C3orf33: variants seen among roughly 807,000 people sequenced by gnomAD.
C3orf33 encodes AP-1 activity suppressor.
Under a neutral mutation model 28.7 loss-of-function variants are expected in C3orf33, and 23 were observed. That is an observed-to-expected ratio of 0.80 (90% confidence interval 0.58 to 1.13). C3orf33 has a LOEUF of 1.13. Ranked by LOEUF, C3orf33 falls within the 50% of genes most tolerant of loss-of-function variation. The pLI is 0.00. For missense variants in C3orf33, 327 were observed against 353.4 expected, an observed-to-expected ratio of 0.93 and a Z score of 0.60; for synonymous variants, 119 against 120.5, an observed-to-expected ratio of 0.99 and a Z score of 0.08.
chr3:155,767,686 G>A lies in C3orf33; in HGVS notation c.323-17C>T. On this transcript the variant is annotated splice_polypyrimidine_tract_variant and intron_variant, in intron 3 of 4. Coordinates refer to ENST00000340171, the MANE Select transcript of C3orf33 (RefSeq NM_001308229.2). ...GTGGCTCTTCTAAAAAGGTTAGGTAGAAAAGAGTTTAGCTTTAACAGCATG... is the reference window on the plus strand; with the variant it reads ...GTGGCTCTTCTAAAAAGGTTAGGTAAAAAAGAGTTTAGCTTTAACAGCATG... The A allele has an allele frequency of 1.6e-5, 24 of 1,480,372 alleles. No homozygotes were observed. Among genetic ancestry groups the A allele is most frequent in the Non-Finnish European group, 2.2e-5 (24 of 1,103,252 alleles). 91.7% of individuals were successfully genotyped at this position (1,480,372 alleles called of 1,614,324 possible). A position where few individuals can be genotyped will look rare whatever the true frequency, so the allele number is the denominator to read the frequency against.
intron 3 of C3orf33, among the ~76,000 whole-genome samples, chr3:155,774,416 C>T (rs956659233): frequency 6.6e-6 from 1 of 152,072 alleles, no homozygotes; most frequent in African/African-American, 2.4e-5. Context: ...TGATGTTCAA[C>T]AGAGGCCAAG....
chr3:155,768,543 G>T (rs1750482638), intron 3 of C3orf33, among the ~76,000 whole-genome samples: 2 of 152,048 alleles, frequency 1.3e-5, no homozygotes, highest in African/African-American at 4.8e-5. Context: ...TTAATAACAA[G>T]ATTTTACTTT....
At chr3:155,765,485 G>T (rs74420486) in intron 4 of C3orf33, among the ~76,000 whole-genome samples, 2 of 151,736 alleles carry the variant, frequency 1.3e-5, no homozygotes, top group Non-Finnish European at 2.9e-5. Context: ...TAATATTTTT[G>T]TAAGGCCTTT....
intron 2 of C3orf33, among the ~76,000 whole-genome samples, chr3:155,782,338 GA>G (rs55878451): frequency 0.34 from 49,865 of 147,680 alleles, 9,579 homozygotes; most frequent in Non-Finnish European, 0.43. Flanking sequence ...GAAACTATTT[GA>G]AAAAAAAAAC....
intron 2 of C3orf33, among the ~76,000 whole-genome samples, chr3:155,795,683 C>T (rs1007122050): frequency 3.3e-5 from 5 of 151,938 alleles, no homozygotes; most frequent in African/African-American, 7.3e-5. Context: ...AGGCTGGGAG[C>T]GGTGGCTTAC....
intron 2 of C3orf33, 78 bp downstream of exon 2, chr3:155,802,454 G>T: frequency 1.9e-6 from 2 of 1,046,860 alleles, no homozygotes; most frequent in Non-Finnish European, 3.0e-6. Flanking sequence ...ATGATACACT[G>T]TTTGAGATAA....
intron 3 of C3orf33, among the ~76,000 whole-genome samples, chr3:155,774,692 C>G (rs1750689014): frequency 8.8e-6 from 1 of 114,000 alleles, no homozygotes; most frequent in Non-Finnish European, 1.7e-5. Context: ...TTTTTTAGCT[C>G]ATCAGCTATC....
chr3:155,804,700 A>T (rs1204390660), intron 1 of C3orf33, among the ~76,000 whole-genome samples: 1 of 152,072 alleles, frequency 6.6e-6, no homozygotes, highest in Non-Finnish European at 1.5e-5. Context: ...CAGATTCTCA[A>T]TGTTATAATC....
intron 2 of C3orf33, among the ~76,000 whole-genome samples, chr3:155,781,085 C>T (rs1015651187): frequency 6.6e-6 from 1 of 150,584 alleles, no homozygotes; most frequent in Non-Finnish European, 1.5e-5. Context: ...GCAAGCTCCG[C>T]TTCCCGGGTT....
chr3:155,794,699 T>C (rs2109276785), intron 2 of C3orf33, among the ~76,000 whole-genome samples: 1 of 152,150 alleles, frequency 6.6e-6, no homozygotes, highest in African/African-American at 2.4e-5. Context: ...AGATACTCCA[T>C]GCAAACAGAA....
chr3:155,763,507 C>A lies in C3orf33; in HGVS notation c.*10G>T. The A allele has an allele frequency of 6.8e-7, 1 of 1,467,674 alleles. No individual in the cohort carries two copies. Among genetic ancestry groups the A allele is most frequent in the South Asian group, 1.6e-5 (1 of 62,644 alleles). 90.9% of individuals were successfully genotyped at this position (1,467,674 alleles called of 1,614,324 possible). ...TTTGGAGAAGGTTACCTCTAGATTT[C>A]TTGACCGTTTCACCCTTTTCTACGA... On this transcript the variant is annotated 3_prime_UTR_variant, in exon 5 of 5. Transcript: ENST00000340171.
chr3:155,779,303 C>CT lies in C3orf33; in HGVS notation c.175-3456dup, dbSNP rs201516576. Reference sequence around the variant, plus strand: ...ATTGCACTACTCTGGGATCTTTTTTCTTTTTTTTTGAGACAGAGTCTCGCT... The same window carrying CT: ...ATTGCACTACTCTGGGATCTTTTTTCTTTTTTTTTTGAGACAGAGTCTCGCT... On this transcript the variant is annotated intron_variant, in intron 2 of 4. Transcript: ENST00000340171. Among the ~76,000 whole-genome samples, 78 of 151,222 alleles carry CT rather than the reference C, an allele frequency of 5.2e-4. 1 individual carries two copies. In the South Asian group the frequency reaches 5.8e-3, roughly 11 times the overall value.
At chr3:155,797,193 G>T (rs1371988107) in intron 2 of C3orf33, among the ~76,000 whole-genome samples, 1 of 151,970 alleles carries the variant, frequency 6.6e-6, no homozygotes, top group African/African-American at 2.4e-5. Context: ...TCAAAGAAAA[G>T]ACAAAAGCCA....
chr3:155,769,843 T>C (rs1301471402), intron 3 of C3orf33, among the ~76,000 whole-genome samples: 5 of 152,230 alleles, frequency 3.3e-5, no homozygotes, highest in African/African-American at 4.8e-5. Context: ...GATAAATCCA[T>C]GGAGTGGATA....
rs1298542289 is a variant in C3orf33, at chr3:155,777,313, T to TA, written c.175-1466dup. Among the ~76,000 whole-genome samples the TA allele has an allele frequency of 2.9e-3, 435 of 147,706 alleles. 6 individuals carry two copies. Among genetic ancestry groups the TA allele is most frequent in the African/African-American group, 0.01 (406 of 39,882 alleles). On this transcript the variant is annotated intron_variant, in intron 2 of 4. Coordinates refer to ENST00000340171, the MANE Select transcript of C3orf33 (RefSeq NM_001308229.2). ...TGGGCAACAAGAGCGAAACTCTGTC[T>TA]AAAAAAAAAATTAAAAAAAAAATCA...
chr3:155,785,427 A>G (rs891010269), intron 2 of C3orf33, among the ~76,000 whole-genome samples: 2 of 152,206 alleles, frequency 1.3e-5, no homozygotes, highest in African/African-American at 4.8e-5. Context: ...TGTACATGGA[A>G]CAGTCTCCAA....
intron 2 of C3orf33, among the ~76,000 whole-genome samples, chr3:155,800,586 G>C (rs940014263): frequency 9.3e-6 from 1 of 107,050 alleles, no homozygotes; most frequent in African/African-American, 3.6e-5. Flanking sequence ...CTCTAGCCTG[G>C]TCAACAGAGT....
At chr3:155,776,641 C>T (rs1351570997) in intron 2 of C3orf33, among the ~76,000 whole-genome samples, 1 of 150,914 alleles carries the variant, frequency 6.6e-6, no homozygotes, top group East Asian at 1.9e-4. Flanking sequence ...TAAAAATCAG[C>T]TGGGCATGGT....
At chr3:155,785,613 T>A (rs534511622) in intron 2 of C3orf33, among the ~76,000 whole-genome samples, 6 of 151,956 alleles carry the variant, frequency 3.9e-5, no homozygotes, top group Non-Finnish European at 8.8e-5. Context: ...CAAAAAACAA[T>A]CACAAGGAAA....
Sources: allele counts gnomAD v4.1 joint callset (sites outside exome capture counted in the v4.1 genomes callset), GRCh38; gene constraint gnomAD v4.1.1; transcripts MANE v1.5; gene names NCBI Gene and HGNC (gene_info 2026-07-23, HGNC 2026-07-21).